Variants in PARG observed in about 807,000 individuals in gnomAD.
PARG encodes mitochondrial poly(ADP-ribose) glycohydrolase.
A neutral mutation model predicts 113.0 loss-of-function variants in PARG; 35 were observed. That is an observed-to-expected ratio of 0.31 (90% confidence interval 0.24 to 0.41). PARG has a LOEUF of 0.41. Ranked by LOEUF, PARG falls within the 10% of genes least tolerant of loss-of-function variation. The probability of loss-of-function intolerance (pLI) is 1.00; values close to 1 mark genes in which losing one functional copy is unlikely to be tolerated. For missense variants in PARG, 797 were observed against 1,169.4 expected, an observed-to-expected ratio of 0.68 and a Z score of 4.64; for synonymous variants, 330 against 409.9, an observed-to-expected ratio of 0.81 and a Z score of 2.36.
chr10:49,935,353 T>C (rs1838695555), intron 1 of PARG, among the ~76,000 whole-genome samples: 1 of 152,230 alleles, frequency 6.6e-6, no homozygotes, highest in Admixed American at 6.5e-5. Flanking sequence ...AGAGTTGGTA[T>C]GGCCTAATGG....
intron 7 of PARG, among the ~76,000 whole-genome samples, chr10:49,910,795 A>AAT (rs1227118754): frequency 3.3e-5 from 5 of 152,234 alleles, no homozygotes; most frequent in African/African-American, 9.6e-5. Flanking sequence ...AGTACATAAA[A>AAT]ATATATATGT....
At chr10:49,832,222 A>G (rs1196768583) in intron 16 of PARG, among the ~76,000 whole-genome samples, 1 of 152,222 alleles carries the variant, frequency 6.6e-6, no homozygotes, top group Non-Finnish European at 1.5e-5. Flanking sequence ...GGACATCCAG[A>G]TGCCTCCTAT....
rs1354074609 is a variant in PARG at position 49,932,105 on chromosome 10, T to C, written c.1450A>G (p.Ile484Val). Residue 484 changes from isoleucine to valine, a missense_variant, in exon 4 of 18, where the codon ATT becomes GTT. By Grantham distance (29) the Ile-to-Val change is conservative. This residue lies in a region of PARG where 252 missense variants were observed against 437.4 expected (regional missense o/e 0.58). Coordinates refer to ENST00000616448, the MANE Select transcript of PARG (RefSeq NM_003631.5). ...LRPSANHTVT[I>V]RVDLLRAGEV... ...AGATAAGAGGTGCTACCTACCCGAA[T>C]AGTTACTGTGTGATTGGCAGATGGT... The C allele has an allele frequency of 1.8e-5, 29 of 1,577,290 alleles. No homozygotes were observed. The African/African-American group carries it at 2.7e-4, about 15-fold the overall frequency.
In PARG at chr10:49,941,647, C is replaced by T; in HGVS notation, c.79G>A (p.Asp27Asn). The T allele has an allele frequency of 6.3e-7, 1 of 1,597,652 alleles. No homozygotes were observed. Among genetic ancestry groups the T allele is most frequent in the South Asian group, 1.1e-5 (1 of 87,422 alleles). The change falls in exon 1 of 18, where the codon GAC becomes AAC. Residue 27 changes from aspartate to asparagine, a missense_variant. Around this residue, in one of 5 missense-constraint regions of PARG, gnomAD observed 27 missense variants for 54.3 expected, o/e 0.50. Coordinates refer to ENST00000616448, the MANE Select transcript of PARG (RefSeq NM_003631.5). ...TGCCTGCTGGGAAAGCTCCGGGCGTCCGAAGCAGCCGGCGAAGTTGTAGCG... is the reference window on the plus strand; with the variant it reads ...TGCCTGCTGGGAAAGCTCCGGGCGTTCGAAGCAGCCGGCGAAGTTGTAGCG... ...GAATTSPAAS[D>N]ARSFPSRQRR...
At chr10:49,927,625 T>C (rs1554850993) in intron 4 of PARG, among the ~76,000 whole-genome samples, 1 of 152,052 alleles carries the variant, frequency 6.6e-6, no homozygotes, top group Non-Finnish European at 1.5e-5. Context: ...GATTATATTG[T>C]GTCACGGAGC....
At chr10:49,895,989 T>C (rs1848066777) in intron 7 of PARG, among the ~76,000 whole-genome samples, 1 of 152,206 alleles carries the variant, frequency 6.6e-6, no homozygotes, top group African/African-American at 2.4e-5. Context: ...AGTTATTTTT[T>C]AGGTTTCTTG....
rs561767965 is a variant in PARG at position 49,849,136 on chromosome 10, G to A, written c.2354-5504C>T. On this transcript the variant is annotated intron_variant, in intron 13 of 17. Transcript: ENST00000616448. Reference sequence around the variant, plus strand: ...CTTGAACCTGGGAGGCAGAGGTTGCGGTAAGCTGAGATCACGCCATTGCAC... The same window carrying A: ...CTTGAACCTGGGAGGCAGAGGTTGCAGTAAGCTGAGATCACGCCATTGCAC... Among the ~76,000 whole-genome samples, 476 of 151,396 alleles carry A rather than the reference G, an allele frequency of 3.1e-3. 5 individuals carry two copies. Among genetic ancestry groups the A allele is most frequent in the African/African-American group, 0.01 (426 of 41,330 alleles).
intron 15 of PARG, among the ~76,000 whole-genome samples, chr10:49,835,223 T>C (rs1050405042): frequency 1.3e-5 from 2 of 152,120 alleles, no homozygotes; most frequent in Non-Finnish European, 2.9e-5. Context: ...TCTCAAGAGC[T>C]CTATATTGGC....
At chr10:49,883,032 T>C (rs1554839767) in intron 8 of PARG, among the ~76,000 whole-genome samples, 1 of 151,422 alleles carries the variant, frequency 6.6e-6, no homozygotes, top group Non-Finnish European at 1.5e-5. Flanking sequence ...AGAAGATATG[T>C]TTTAAAATAT....
At chr10:49,861,963 AG>A (rs1473419945) in intron 11 of PARG, among the ~76,000 whole-genome samples, 1 of 152,038 alleles carries the variant, frequency 6.6e-6, no homozygotes, top group Non-Finnish European at 1.5e-5. Context: ...AAAAAAATTA[AG>A]ATCTATGAAA....
At position 49,838,722 on chromosome 10, in the gene PARG, A is replaced by G. The variant is rs534306631; in HGVS notation, c.2541+3228T>C. On this transcript the variant is annotated intron_variant, in intron 15 of 17. Transcript: ENST00000616448. ...TTACTATTGTTATCTGTATAATTTGAAAAAAAAACTCCACCTGCATTTGAC... is the reference window on the plus strand; with the variant it reads ...TTACTATTGTTATCTGTATAATTTGGAAAAAAAACTCCACCTGCATTTGAC... 2.6e-5 allele frequency among the ~76,000 whole-genome samples: 4 copies of G among 151,298 alleles called. No individual in the cohort carries two copies. The East Asian group carries it at 7.8e-4, about 29-fold the overall frequency.
intron 7 of PARG, among the ~76,000 whole-genome samples, chr10:49,894,581 A>T (rs1338441385): frequency 6.6e-6 from 1 of 151,752 alleles, no homozygotes. Context: ...TTTTTTTTTT[A>T]AGCCCACATG....
At chr10:49,929,555 C>A (rs1290501823) in intron 4 of PARG, among the ~76,000 whole-genome samples, 1 of 152,210 alleles carries the variant, frequency 6.6e-6, no homozygotes, top group Non-Finnish European at 1.5e-5. Flanking sequence ...TGGCTGGGCG[C>A]GGTGGCTCAC....
chr10:49,922,851 G>C (rs1230569916), intron 4 of PARG, among the ~76,000 whole-genome samples, 182 bp from the exon 5 acceptor site: 1 of 152,190 alleles, frequency 6.6e-6, no homozygotes, highest in Non-Finnish European at 1.5e-5. Context: ...CAAGTCACCA[G>C]ATATAGTATA....
At position 49,922,657 on chromosome 10, in the gene PARG, G is replaced by T; in HGVS notation, c.1468C>A (p.Arg490=). ...AAAGGTTTAGGAACTTCTCCTGCTC[G>T]CAAAAGATCTACCTGAAATTGAGGG... ...HTVTIRVDLL[R]AGEVPKPFPT... Residue 490 remains arginine, a synonymous_variant, in exon 5 of 18, where the codon CGA becomes AGA. Transcript: ENST00000616448. The T allele has an allele frequency of 1.3e-6, 2 of 1,566,444 alleles. No individual in the cohort carries two copies. Among genetic ancestry groups the T allele is most frequent in the Non-Finnish European group, 1.7e-6 (2 of 1,150,730 alleles).
intron 9 of PARG, among the ~76,000 whole-genome samples, chr10:49,876,984 G>T (rs1846974056): frequency 6.7e-6 from 1 of 149,250 alleles, no homozygotes; most frequent in African/African-American, 2.5e-5. Context: ...GGATTTTAAA[G>T]AAATTTTCTT....
chr10:49,824,974 T>C (rs1844280845), intron 16 of PARG, among the ~76,000 whole-genome samples: 1 of 152,064 alleles, frequency 6.6e-6, no homozygotes, highest in Non-Finnish European at 1.5e-5. Context: ...GCAATGTCTT[T>C]ACATTGTTTA....
At chr10:49,829,652 C>A (rs933732428) in intron 16 of PARG, among the ~76,000 whole-genome samples, 5 of 152,100 alleles carry the variant, frequency 3.3e-5, no homozygotes, top group Admixed American at 1.3e-4. Flanking sequence ...AATGAAAAAA[C>A]CCCCAACAAA....
chr10:49,903,977 T>C (rs548327150), intron 7 of PARG, among the ~76,000 whole-genome samples: 2 of 152,252 alleles, frequency 1.3e-5, no homozygotes, highest in African/African-American at 4.8e-5. Context: ...AGGGGTCGAC[T>C]AGGTGACTCT....
Sources: allele counts gnomAD v4.1 joint callset (sites outside exome capture counted in the v4.1 genomes callset), GRCh38; gene constraint gnomAD v4.1.1; regional missense constraint gnomAD v4.1.1; transcripts MANE v1.5; gene names NCBI Gene and HGNC (gene_info 2026-07-23, HGNC 2026-07-21).